The following CTNND2 variants were observed in gnomAD, a reference collection of about 807,000 sequenced individuals.
The protein encoded by CTNND2 is catenin delta 2.
A neutral mutation model predicts 144.4 loss-of-function variants in CTNND2; 22 were observed. That is an observed-to-expected ratio of 0.15 (90% CI 0.11 to 0.22). The LOEUF (loss-of-function observed/expected upper bound fraction) is 0.22, where lower values mean the gene tolerates loss of function less well. Among genes scored for constraint, CTNND2 ranks in the 10% least tolerant of loss-of-function variants. The pLI is 1.00. For synonymous variants in CTNND2, 751 were observed against 695.6 expected, an observed-to-expected ratio of 1.08 and a Z score of -1.25; for missense variants, 1,353 against 1,618.8, an observed-to-expected ratio of 0.84 and a Z score of 2.82.
In CTNND2 at chr5:11,255,024, G is replaced by T. The variant is rs562516352; in HGVS notation, c.1629-18201C>A. Reference sequence around the variant, plus strand: ...CTTTGGAGTCATGCCAGAGCTACAGGTTTAGGGATGCATTTCAAAACATTT... The same window carrying T: ...CTTTGGAGTCATGCCAGAGCTACAGTTTTAGGGATGCATTTCAAAACATTT... On this transcript the variant is annotated intron_variant, in intron 9 of 21. Transcript: ENST00000304623. Among the ~76,000 whole-genome samples, 4 of 152,264 alleles carry T rather than the reference G, an allele frequency of 2.6e-5. No homozygotes were observed. The South Asian group carries it at 8.3e-4, about 32-fold the overall frequency.
At chr5:11,758,788 G>A (rs1273966061) in intron 1 of CTNND2, among the ~76,000 whole-genome samples, 1 of 151,900 alleles carries the variant, frequency 6.6e-6, no homozygotes, top group Non-Finnish European at 1.5e-5. Flanking sequence ...TAATTTCCCT[G>A]ACCAATTAAA....
intron 3 of CTNND2, among the ~76,000 whole-genome samples, chr5:11,490,658 T>A (rs986251477): frequency 1.3e-5 from 2 of 152,174 alleles, no homozygotes; most frequent in Non-Finnish European, 2.9e-5. Context: ...AAACACACTA[T>A]GTTTTAATTT....
chr5:11,419,069 TAG>T (rs59223950), intron 3 of CTNND2, among the ~76,000 whole-genome samples: 22,279 of 148,410 alleles, frequency 0.15, 4,676 homozygotes, highest in African/African-American at 0.48. Flanking sequence ...GATATATATA[TAG>T]AGAGAGAGAG....
chr5:11,321,804 G>T (rs1390632138), intron 9 of CTNND2, among the ~76,000 whole-genome samples: 4 of 152,088 alleles, frequency 2.6e-5, no homozygotes, highest in Non-Finnish European at 5.9e-5. Flanking sequence ...CTTTCCTAGA[G>T]ATTTTCAGCA....
At chr5:11,802,966 G>A (rs1451266828) in intron 1 of CTNND2, among the ~76,000 whole-genome samples, 2 of 152,142 alleles carry the variant, frequency 1.3e-5, no homozygotes, top group African/African-American at 4.8e-5. Context: ...AAAGAAGAGA[G>A]GGGAATATTC....
chr5:11,745,281 C>A (rs1455531029), intron 1 of CTNND2, among the ~76,000 whole-genome samples: 1 of 152,108 alleles, frequency 6.6e-6, no homozygotes, highest in African/African-American at 2.4e-5. Context: ...AAGGCATTCT[C>A]AGGAGTCTTC....
At chr5:11,371,069 T>C (rs1757435688) in intron 7 of CTNND2, among the ~76,000 whole-genome samples, 1 of 151,874 alleles carries the variant, frequency 6.6e-6, no homozygotes, top group Non-Finnish European at 1.5e-5. Context: ...GATGCCAATT[T>C]TTCCCTTGCA....
chr5:11,073,191 A>G (rs1026630941), intron 16 of CTNND2, among the ~76,000 whole-genome samples: 2 of 152,258 alleles, frequency 1.3e-5, no homozygotes, highest in Admixed American at 6.5e-5. Flanking sequence ...TTTGTTTTTA[A>G]CAAGGAGAGA....
chr5:11,515,956 A>C (rs1772127550), intron 3 of CTNND2, among the ~76,000 whole-genome samples: 1 of 152,128 alleles, frequency 6.6e-6, no homozygotes, highest in Non-Finnish European at 1.5e-5. Context: ...ATTTTAAAAA[A>C]TTAGCCAGGC....
chr5:11,093,033 C>A (rs1734210381), intron 15 of CTNND2, among the ~76,000 whole-genome samples: 1 of 152,196 alleles, frequency 6.6e-6, no homozygotes, highest in South Asian at 2.1e-4. Flanking sequence ...CTGTTTCCTT[C>A]TTCACTAAGT....
At chr5:11,218,582 A>G (rs1173931393) in intron 10 of CTNND2, among the ~76,000 whole-genome samples, 1 of 152,124 alleles carries the variant, frequency 6.6e-6, no homozygotes, top group African/African-American at 2.4e-5. Context: ...AAAAAAAGGC[A>G]TTTTTCATAT....
chr5:11,059,805 A>G (rs1344481448), intron 16 of CTNND2, among the ~76,000 whole-genome samples: 1 of 152,238 alleles, frequency 6.6e-6, no homozygotes, highest in Non-Finnish European at 1.5e-5. Flanking sequence ...TGAATGAAAA[A>G]AAGTATTCAA....
At chr5:11,540,074 C>T (rs1404663408) in intron 3 of CTNND2, among the ~76,000 whole-genome samples, 5 of 152,048 alleles carry the variant, frequency 3.3e-5, no homozygotes, top group Non-Finnish European at 7.4e-5. Flanking sequence ...CGTATAAATA[C>T]ATTAATTAAT....
intron 9 of CTNND2, among the ~76,000 whole-genome samples, chr5:11,246,462 G>A (rs926249520): frequency 3.9e-5 from 6 of 152,050 alleles, no homozygotes; most frequent in Non-Finnish European, 8.8e-5. Flanking sequence ...CTGGAGTGAT[G>A]CAGCCACAAG....
At chr5:11,259,189 T>G (rs894124606) in intron 9 of CTNND2, among the ~76,000 whole-genome samples, 1 of 152,212 alleles carries the variant, frequency 6.6e-6, no homozygotes, top group African/African-American at 2.4e-5. Flanking sequence ...AGCCTGATGG[T>G]CTGCCCTGCA....
chr5:11,271,924 A>C (rs1040512560), intron 9 of CTNND2, among the ~76,000 whole-genome samples: 1 of 152,156 alleles, frequency 6.6e-6, no homozygotes, highest in Admixed American at 6.6e-5. Context: ...TACAATTCCC[A>C]AACTGTTTTG....
At chr5:11,372,927 C>A (rs959842580) in intron 7 of CTNND2, among the ~76,000 whole-genome samples, 1 of 152,232 alleles carries the variant, frequency 6.6e-6, no homozygotes, top group African/African-American at 2.4e-5. Context: ...GTCTCTCCTG[C>A]CTCAGTGCTA....
chr5:11,520,084 T>A (rs1272574630), intron 3 of CTNND2, among the ~76,000 whole-genome samples: 1 of 148,438 alleles, frequency 6.7e-6, no homozygotes, highest in Non-Finnish European at 1.5e-5. Flanking sequence ...GAGGAAGAGG[T>A]TGCAATGAGC....
In CTNND2 at chr5:11,513,295, T is replaced by C. The variant is rs560894293; in HGVS notation, c.287+51649A>G. Among the ~76,000 whole-genome samples, 4 of 152,260 alleles carry C rather than the reference T, an allele frequency of 2.6e-5. No homozygotes were observed. In the East Asian group the frequency reaches 7.7e-4, roughly 29 times the overall value. ...TCTCTAAGAAATCAGGGATCTCAATTCCTGACCTAATACCATGCTTGTTTT... is the reference window on the plus strand; with the variant it reads ...TCTCTAAGAAATCAGGGATCTCAATCCCTGACCTAATACCATGCTTGTTTT... On this transcript the variant is annotated intron_variant, in intron 3 of 21. Coordinates refer to ENST00000304623, the MANE Select transcript of CTNND2 (RefSeq NM_001332.4).
Sources: allele counts gnomAD v4.1 joint callset (sites outside exome capture counted in the v4.1 genomes callset), GRCh38; gene constraint gnomAD v4.1.1; transcripts MANE v1.5; gene names NCBI Gene and HGNC (gene_info 2026-07-23, HGNC 2026-07-21).